RGS9: variants seen among roughly 807,000 people sequenced by gnomAD.
RGS9 encodes the protein regulator of G protein signaling 9.
RGS9 carries 78 observed loss-of-function variants against 102.0 expected under a neutral mutation model. The ratio of observed to expected loss-of-function variants is 0.76; its 90% confidence interval spans 0.64 to 0.92. The LOEUF (loss-of-function observed/expected upper bound fraction) is 0.92, where lower values mean the gene tolerates loss of function less well. Among genes scored for constraint, RGS9 ranks in the 40% least tolerant of loss-of-function variants. The pLI, the probability that RGS9 is intolerant of heterozygous loss-of-function variation, is 0.00. For synonymous variants in RGS9, 353 were observed against 318.6 expected, an observed-to-expected ratio of 1.11 and a Z score of -1.15; for missense variants, 833 against 866.1, an observed-to-expected ratio of 0.96 and a Z score of 0.48.
intron 1 of RGS9, among the ~76,000 whole-genome samples, chr17:65,146,098 C>T (rs1049327023): frequency 1.3e-5 from 2 of 152,040 alleles, no homozygotes; most frequent in African/African-American, 4.8e-5. Flanking sequence ...AATGCAAAGA[C>T]AAGGAATCAA....
chr17:65,156,146 C>T (rs1260225915), intron 2 of RGS9, among the ~76,000 whole-genome samples: 2 of 152,158 alleles, frequency 1.3e-5, no homozygotes, highest in African/African-American at 2.4e-5. Context: ...GCCTCAGCTC[C>T]GGAGTAGCTA....
rs981536830 is a variant in RGS9, at chr17:65,184,080, C to A, written c.655-5206C>A. Reference sequence around the variant, plus strand: ...AAGAAGTGGCTTCACTCCAGGAGGGCCGGCAGCTGAGAAAGGAGGGAAGTT... The same window carrying A: ...AAGAAGTGGCTTCACTCCAGGAGGGACGGCAGCTGAGAAAGGAGGGAAGTT... On this transcript the variant is annotated intron_variant, in intron 9 of 18. Transcript: ENST00000262406. Among the ~76,000 whole-genome samples, 6 of 152,294 alleles carry A rather than the reference C, an allele frequency of 3.9e-5. No homozygotes were observed. In the East Asian group the frequency reaches 1.2e-3, roughly 29 times the overall value.
At chr17:65,204,887 G>C (rs1912991556) in intron 15 of RGS9, among the ~76,000 whole-genome samples, 1 of 152,276 alleles carries the variant, frequency 6.6e-6, no homozygotes, top group Admixed American at 6.5e-5. Flanking sequence ...CCAGAGATGG[G>C]GCTGGGATTC....
At position 65,216,899 on chromosome 17, in the gene RGS9, G is replaced by A. The variant is rs184218322; in HGVS notation, c.1407+6294G>A. On this transcript the variant is annotated intron_variant, in intron 17 of 18. Transcript: ENST00000262406. ...TCGAGTAACTCTGAATTAAGGAAGG[G>A]GAGTAATTTTAGATGGGTTCATTGA... Among the ~76,000 whole-genome samples the A allele has an allele frequency of 2.6e-5, 4 of 152,270 alleles. No homozygotes were observed. The East Asian group carries it at 7.7e-4, about 29-fold the overall frequency.
intron 1 of RGS9, among the ~76,000 whole-genome samples, chr17:65,138,272 A>G (rs1247285599): frequency 6.6e-6 from 1 of 152,130 alleles, no homozygotes; most frequent in Non-Finnish European, 1.5e-5. Context: ...AGCTTCTGGT[A>G]TAATCACTGT....
chr17:65,204,209 A>G lies in RGS9; in HGVS notation c.1111A>G (p.Lys371Glu). The change falls in exon 15 of 19, where the codon AAA (lysine) becomes GAA (glutamate). Residue 371 changes from lysine to glutamate, a missense_variant. Physicochemically the swap from Lys to Glu is moderately conservative, Grantham distance 56. Coordinates refer to ENST00000262406, the MANE Select transcript of RGS9 (RefSeq NM_003835.4). ...GARRWINIDGKTMDITVKGLK... is the reference protein window; with the variant it reads ...GARRWINIDGETMDITVKGLK... ...GAGGCGCTGGATCAACATAGATGGCAAAACCATGGACATCACAGTGAAGGG... is the reference window on the plus strand; with the variant it reads ...GAGGCGCTGGATCAACATAGATGGCGAAACCATGGACATCACAGTGAAGGG... 1 of 1,613,280 alleles carries G rather than the reference A, an allele frequency of 6.2e-7. No homozygotes were observed. The highest frequency in any genetic ancestry group is 8.5e-7 in the Non-Finnish European group (1 of 1,180,030).
intron 1 of RGS9, among the ~76,000 whole-genome samples, chr17:65,140,797 C>T (rs1252307910): frequency 1.3e-5 from 2 of 152,028 alleles, no homozygotes; most frequent in African/African-American, 2.4e-5. Flanking sequence ...ATTGCTTGAA[C>T]CCGGGAGGTG....
chr17:65,167,432 C>T (rs1052600773), intron 7 of RGS9, among the ~76,000 whole-genome samples: 1 of 152,062 alleles, frequency 6.6e-6, no homozygotes, highest in Non-Finnish European at 1.5e-5. Context: ...GAACTCCTGA[C>T]CTCAAGTGAT....
intron 17 of RGS9, among the ~76,000 whole-genome samples, chr17:65,219,840 C>T (rs1224128478): frequency 1.3e-5 from 2 of 152,054 alleles, no homozygotes; most frequent in Admixed American, 1.3e-4. Flanking sequence ...CCATTATCAC[C>T]ATCACCACCA....
intron 12 of RGS9, among the ~76,000 whole-genome samples, chr17:65,196,169 T>C (rs1041326804): frequency 2.0e-5 from 3 of 152,266 alleles, no homozygotes; most frequent in African/African-American, 4.8e-5. Flanking sequence ...AAGGATTCGA[T>C]GGTATGTGTG....
chr17:65,212,452 C>T (rs1435839149), intron 17 of RGS9, among the ~76,000 whole-genome samples: 2 of 152,090 alleles, frequency 1.3e-5, no homozygotes, highest in Admixed American at 6.5e-5. Context: ...AAAGAGTTGG[C>T]CATAAGAGCA....
chr17:65,176,913 T>C (rs979055332), intron 8 of RGS9, among the ~76,000 whole-genome samples: 3 of 147,278 alleles, frequency 2.0e-5, no homozygotes, highest in African/African-American at 5.1e-5. Context: ...CATCCATCCA[T>C]CTCTTCACCC....
chr17:65,157,511 G>A (rs1331059970), intron 2 of RGS9, among the ~76,000 whole-genome samples: 2 of 151,732 alleles, frequency 1.3e-5, no homozygotes, highest in Non-Finnish European at 2.9e-5. Flanking sequence ...ACGGGTGTAC[G>A]GGTGCACATT....
In RGS9 at chr17:65,207,935, G is replaced by A. The variant is rs1453211373; in HGVS notation, c.1217G>A (p.Arg406His). Residue 406 changes from arginine to histidine, a missense_variant, in exon 16 of 19, where the codon CGC (arginine) becomes CAC (histidine). This residue lies in a region of RGS9 where 185 missense variants were observed against 248.7 expected (regional missense o/e 0.74). Transcript: ENST00000262406. ...TGTTCCCACTAGGATTCTTATGCTC[G>A]CTATTTAAAATCTCCGATCTATAAG... ...YMLMKKDSYARYLKSPIYKDM... is the reference protein window; with the variant it reads ...YMLMKKDSYAHYLKSPIYKDM... The A allele has an allele frequency of 2.5e-6, 4 of 1,611,562 alleles. No individual in the cohort carries two copies. The highest frequency in any genetic ancestry group is 1.7e-4 in the Middle Eastern group (1 of 6,058).
intron 11 of RGS9, among the ~76,000 whole-genome samples, chr17:65,193,015 AG>A (rs1261059576): frequency 6.6e-6 from 1 of 152,016 alleles, no homozygotes; most frequent in Non-Finnish European, 1.5e-5. Context: ...CTGTAATCCC[AG>A]CACTTCGGGA....
At chr17:65,148,134 A>G (rs1910440606) in intron 1 of RGS9, among the ~76,000 whole-genome samples, 1 of 152,186 alleles carries the variant, frequency 6.6e-6, no homozygotes, top group Non-Finnish European at 1.5e-5. Context: ...GAATCTGTCT[A>G]TTCTAGGTAC....
chr17:65,187,679 G>T (rs1912175651), intron 9 of RGS9, among the ~76,000 whole-genome samples: 2 of 152,156 alleles, frequency 1.3e-5, no homozygotes, highest in African/African-American at 4.8e-5. Flanking sequence ...AAGCAGCATG[G>T]ATATTAACAA....
At chr17:65,184,038 C>T (rs1446961673) in intron 9 of RGS9, among the ~76,000 whole-genome samples, 3 of 152,180 alleles carry the variant, frequency 2.0e-5, no homozygotes, top group Admixed American at 6.5e-5. Flanking sequence ...CAAAGTGTGT[C>T]GCTGAGATGA....
At chr17:65,168,545 CTTTTT>C (rs5821624) in intron 8 of RGS9, among the ~76,000 whole-genome samples, 2 of 85,270 alleles carry the variant, frequency 2.3e-5, no homozygotes, top group East Asian at 2.9e-4. Flanking sequence ...AGGGCTGGGA[CTTTTT>C]TTTTTTTTTT....
Sources: allele counts gnomAD v4.1 joint callset (sites outside exome capture counted in the v4.1 genomes callset), GRCh38; gene constraint gnomAD v4.1.1; regional missense constraint gnomAD v4.1.1; transcripts MANE v1.5; gene names NCBI Gene and HGNC (gene_info 2026-07-23, HGNC 2026-07-21).